Variants in MYO18B observed in about 807,000 individuals in gnomAD.
MYO18B encodes the protein myosin XVIIIB.
In MYO18B, 204 loss-of-function variants were observed where a neutral mutation model predicts 273.0. The ratio of observed to expected loss-of-function variants is 0.75; its 90% CI spans 0.67 to 0.84. The LOEUF is 0.84. Among genes scored for constraint, MYO18B ranks in the 40% least tolerant of loss-of-function variants. The pLI, the probability that MYO18B is intolerant of heterozygous loss-of-function variation, is 0.00. For missense variants in MYO18B, 3,212 were observed against 3,287.6 expected (o/e 0.98, Z 0.56); for synonymous variants, 1,330 against 1,305.7 (o/e 1.02, Z -0.40).
intron 8 of MYO18B, among the ~76,000 whole-genome samples, chr22:25,778,903 T>G (rs2145646139): frequency 6.6e-6 from 1 of 152,224 alleles, no homozygotes; most frequent in Admixed American, 6.5e-5. Context: ...TTGCCTGATG[T>G]CACACAGCAA....
chr22:25,984,959 C>T (rs2093185484), intron 39 of MYO18B, among the ~76,000 whole-genome samples: 1 of 152,138 alleles, frequency 6.6e-6, no homozygotes. Context: ...TTAGACATGC[C>T]TGCCATGTGT....
chr22:26,062,983 T>C, the MYO18B span, among the ~76,000 whole-genome samples: 1 of 152,174 alleles, frequency 6.6e-6, no homozygotes, highest in Non-Finnish European at 1.5e-5. Flanking sequence ...CTTGGTTTTG[T>C]GTGAACCCAT....
the MYO18B span, among the ~76,000 whole-genome samples, chr22:26,051,216 C>T: frequency 2.2e-5 from 2 of 92,586 alleles, no homozygotes; most frequent in Non-Finnish European, 3.8e-5. Context: ...TAATTGGTCC[C>T]TTTTTTTTTT....
chr22:25,998,896 C>A (rs1163280167), intron 40 of MYO18B, among the ~76,000 whole-genome samples: 1 of 152,180 alleles, frequency 6.6e-6, no homozygotes, highest in Non-Finnish European at 1.5e-5. Flanking sequence ...GCTGCATAGA[C>A]CACCTGGCTT....
intron 16 of MYO18B, among the ~76,000 whole-genome samples, chr22:25,833,863 C>A (rs1301799382): frequency 6.6e-6 from 1 of 152,220 alleles, no homozygotes; most frequent in Admixed American, 6.5e-5. Context: ...TTTCTTCCTT[C>A]CTTGTCTCCT....
chr22:25,996,916 C>T (rs1037314280), intron 40 of MYO18B, among the ~76,000 whole-genome samples: 4 of 152,184 alleles, frequency 2.6e-5, no homozygotes, highest in African/African-American at 9.7e-5. Context: ...TCCTACCTTT[C>T]TTCTCCTCTG....
intron 34 of MYO18B, among the ~76,000 whole-genome samples, chr22:25,941,342 A>C (rs2092642033): frequency 6.6e-6 from 1 of 151,456 alleles, no homozygotes; most frequent in Non-Finnish European, 1.5e-5. Context: ...TCAGGTCCTC[A>C]TTGTCACACT....
At chr22:25,919,676 GTA>G (rs376296216) in intron 33 of MYO18B, among the ~76,000 whole-genome samples, 23 of 124,316 alleles carry the variant, frequency 1.9e-4, no homozygotes, top group African/African-American at 4.7e-4. Flanking sequence ...TTGTGTGTGT[GTA>G]TGTGTGTGTG....
Position 25,763,327 on chromosome 22 carries a change from GA to G in MYO18B, c.141del (p.Glu48ArgfsTer11). 1 of 1,612,468 alleles carries G rather than the reference GA, an allele frequency of 6.2e-7. No individual in the cohort carries two copies. The highest frequency in any genetic ancestry group is 1.7e-5 in the Admixed American group (1 of 59,396). ...CATTAAGCAACTGGTCCGGGGGACT[GA>G]AAAAGAGGCCAAGGAAGCGAGACAG... is the stretch of plus-strand genomic sequence containing the variant. ...GFIKQLVRGT[E>X]KEAKEARQRK... On this transcript the variant is annotated frameshift_variant, in exon 3 of 44. Transcript: ENST00000335473. LOFTEE classifies it high-confidence loss of function.
intron 40 of MYO18B, among the ~76,000 whole-genome samples, chr22:26,002,751 G>A (rs559613114): frequency 6.6e-6 from 1 of 152,108 alleles, no homozygotes; most frequent in Admixed American, 6.5e-5. Flanking sequence ...CATGGGGTAG[G>A]TAGATGAGAT....
chr22:26,061,469 A>C, the MYO18B span, among the ~76,000 whole-genome samples: 2 of 152,018 alleles, frequency 1.3e-5, no homozygotes, highest in South Asian at 2.1e-4. Context: ...TGGAGCAGAC[A>C]GCTTCATTAG....
At chr22:26,058,090 A>G in the MYO18B span, among the ~76,000 whole-genome samples, 1 of 152,232 alleles carries the variant, frequency 6.6e-6, no homozygotes, top group Admixed American at 6.5e-5. Flanking sequence ...GGTCCTCAAG[A>G]TGATGTAAAA....
intron 34 of MYO18B, among the ~76,000 whole-genome samples, chr22:25,929,242 A>G (rs2092464877): frequency 6.6e-6 from 1 of 151,820 alleles, no homozygotes; most frequent in Non-Finnish European, 1.5e-5. Flanking sequence ...CACCGGTGTC[A>G]GCTATTGGAA....
rs201755754 is a variant in MYO18B, at chr22:25,882,370, G to A, written c.4314+4322G>A. Among the ~76,000 whole-genome samples the A allele has an allele frequency of 4.9e-4, 68 of 138,768 alleles. 1 individual carries two copies. Among genetic ancestry groups the A allele is most frequent in the Non-Finnish European group, 7.3e-4 (46 of 63,326 alleles). 91.0% of individuals were successfully genotyped at this position (138,768 alleles called of 152,430 possible). A position where few individuals can be genotyped will look rare whatever the true frequency, so the allele number is the denominator to read the frequency against. On this transcript the variant is annotated intron_variant, in intron 25 of 43. Transcript: ENST00000335473. Reference sequence around the variant, plus strand: ...TGCATGTAGATTGAAAAAAAAAAAAGAAACACCTGTTACATGAGATAAGAG... The same window carrying A: ...TGCATGTAGATTGAAAAAAAAAAAAAAAACACCTGTTACATGAGATAAGAG...
rs1331500253 is a variant in MYO18B at position 26,026,902 on chromosome 22, C to T, written c.6928C>T (p.Pro2310Ser). The change falls in exon 43 of 44, where the codon CCC becomes TCC. Residue 2310 changes from proline (P) to serine (S), a missense_variant. Coordinates refer to ENST00000335473, the MANE Select transcript of MYO18B (RefSeq NM_032608.7). ...NLSLRVGAKS[P>S]LEIEGAAGGL... Reference sequence around the variant, plus strand: ...CTCGCTGAGGGTTGGGGCAAAGTCACCCCTGGAAATCGAAGGGGCCGCTGG... The same window carrying T: ...CTCGCTGAGGGTTGGGGCAAAGTCATCCCTGGAAATCGAAGGGGCCGCTGG... The T allele has an allele frequency of 6.2e-7, 1 of 1,607,324 alleles. No homozygotes were observed. Among genetic ancestry groups the T allele is most frequent in the Non-Finnish European group, 8.5e-7 (1 of 1,175,900 alleles).
At chr22:25,999,654 C>CCTT (rs1555986340) in intron 40 of MYO18B, among the ~76,000 whole-genome samples, 127 of 139,422 alleles carry the variant, frequency 9.1e-4, no homozygotes, top group African/African-American at 3.1e-3. Context: ...TCCTCCTTCT[C>CCTT]CTCCTCCTCC....
intron 31 of MYO18B, among the ~76,000 whole-genome samples, chr22:25,906,142 G>T (rs1169030883): frequency 6.6e-6 from 1 of 152,158 alleles, no homozygotes; most frequent in East Asian, 1.9e-4. Flanking sequence ...ATAACCTCAG[G>T]CTGCATTGTG....
At chr22:25,829,158 CT>C (rs947714808) in intron 15 of MYO18B, among the ~76,000 whole-genome samples, 190 bp downstream of exon 15, 1 of 152,228 alleles carries the variant, frequency 6.6e-6, no homozygotes, top group Non-Finnish European at 1.5e-5. Flanking sequence ...CAGCCTCCCC[CT>C]GCCACCTTCT....
chr22:26,026,006 T>C (rs1252107821), intron 42 of MYO18B, among the ~76,000 whole-genome samples: 1 of 152,214 alleles, frequency 6.6e-6, no homozygotes, highest in Non-Finnish European at 1.5e-5. Flanking sequence ...ATTTGGGTCT[T>C]GACTCTCAGA....
Sources: gnomAD v4.1 joint callset for allele counts (sites outside exome capture counted in the v4.1 genomes callset) on GRCh38, gnomAD v4.1.1 for gene constraint, MANE v1.5 for transcripts, NCBI Gene and HGNC (gene_info 2026-07-23, HGNC 2026-07-21) for gene names.